AQR: variants seen among roughly 807,000 people sequenced by gnomAD.
AQR encodes the protein RNA helicase aquarius.
AQR carries 61 observed loss-of-function variants against 180.5 expected under a neutral mutation model. That is an observed-to-expected ratio of 0.34 (90% CI 0.28 to 0.42). AQR has a LOEUF of 0.42. AQR is among the 10% of genes least tolerant of loss of function. AQR has a pLI of 1.00. For synonymous variants in AQR, 551 were observed against 588.8 expected (o/e 0.94, Z 0.93); for missense variants, 1,281 against 1,798.3 (o/e 0.71, Z 5.20).
At chr15:34,948,065 T>C (rs571807605) in intron 5 of AQR, 199 bp downstream of exon 5, 7 of 499,908 alleles carry the variant, frequency 1.4e-5, no homozygotes, top group South Asian at 1.2e-4. Context: ...CAATTCATAG[T>C]AAATTATTAA....
intron 4 of AQR, among the ~76,000 whole-genome samples, chr15:34,949,799 A>AT (rs1472097050): frequency 7.0e-6 from 1 of 142,018 alleles, no homozygotes; most frequent in Non-Finnish European, 1.5e-5. Context: ...TCTATTAAAA[A>AT]AAAAAAAAAA....
chr15:34,963,592 T>A (rs1166587345), intron 2 of AQR, among the ~76,000 whole-genome samples: 1 of 152,112 alleles, frequency 6.6e-6, no homozygotes, highest in African/African-American at 2.4e-5. Context: ...TCATTTATAA[T>A]AATGATAAAT....
chr15:34,941,774 C>G (rs550863392), intron 7 of AQR, among the ~76,000 whole-genome samples: 1 of 152,292 alleles, frequency 6.6e-6, no homozygotes, highest in South Asian at 2.1e-4. Context: ...CCCCCTTTCT[C>G]TATAAGCTCA....
chr15:34,901,848 T>A (rs1390325085), intron 19 of AQR, among the ~76,000 whole-genome samples: 1 of 152,168 alleles, frequency 6.6e-6, no homozygotes, highest in Non-Finnish European at 1.5e-5. Flanking sequence ...TAGAACAGTT[T>A]AAATATGGAA....
chr15:34,951,107 T>C lies in AQR; in HGVS notation c.209+1778A>G, dbSNP rs141639732. The stretch of plus-strand genomic sequence containing the variant: ...TAACTTCCTGATCCTATTTCAGCAA[T>C]TGCAGCAAATTCTATACAATACTGA... On this transcript the variant is annotated intron_variant, in intron 4 of 34. Coordinates refer to ENST00000156471, the MANE Select transcript of AQR (RefSeq NM_014691.3). 1.8e-4 allele frequency among the ~76,000 whole-genome samples: 28 copies of C among 152,348 alleles called. No individual in the cohort carries two copies. The East Asian group carries it at 2.7e-3, about 15-fold the overall frequency.
chr15:34,904,316 G>T lies in AQR; in HGVS notation c.2001+20C>A, dbSNP rs1425091531. Reference sequence around the variant, plus strand: ...CTTAAATTATGACATAGTACTTTTAGTTACATACCCCCAAATTACCTTAAA... The same window carrying T: ...CTTAAATTATGACATAGTACTTTTATTTACATACCCCCAAATTACCTTAAA... On this transcript the variant is annotated intron_variant, in intron 19 of 34. Coordinates refer to ENST00000156471, the MANE Select transcript of AQR (RefSeq NM_014691.3). The T allele has an allele frequency of 2.6e-6, 4 of 1,531,348 alleles. No homozygotes were observed. Among genetic ancestry groups the T allele is most frequent in the East Asian group, 4.7e-5 (2 of 42,680 alleles). The allele number at this position is 1,531,348 out of a possible 1,614,324, so 94.9% of individuals were successfully genotyped here. A position where few individuals can be genotyped will look rare whatever the true frequency, so the allele number is the denominator to read the frequency against.
chr15:34,964,203 C>A, intron 2 of AQR, 31 bp downstream of exon 2: 1 of 1,498,508 alleles, frequency 6.7e-7, no homozygotes, highest in South Asian at 1.2e-5. Flanking sequence ...TGTAACTTCT[C>A]AAGAATTATG....
chr15:34,906,497 A>G (rs777239981), intron 18 of AQR, 48 bp downstream of exon 18: 52 of 1,566,368 alleles, frequency 3.3e-5, no homozygotes, highest in Non-Finnish European at 4.3e-5. Context: ...AGGCAAAGAA[A>G]TTTATCATTC....
chr15:34,923,259 T>C (rs890635563), intron 13 of AQR, among the ~76,000 whole-genome samples: 12 of 152,214 alleles, frequency 7.9e-5, no homozygotes, highest in African/African-American at 2.9e-4. Flanking sequence ...ATCTACAGTT[T>C]CAGGCATCCA....
intron 31 of AQR, 35 bp from the exon 32 acceptor site, chr15:34,867,644 C>T (rs1892755308): frequency 7.0e-7 from 1 of 1,437,420 alleles, no homozygotes; most frequent in South Asian, 1.2e-5. Context: ...GGTGCATTTG[C>T]AAAAGCCAAA....
Position 34,853,718 on chromosome 15 carries a change from T to C in AQR, c.*3074A>G, listed in dbSNP as rs1892547018. On this transcript the variant is annotated 3_prime_UTR_variant, in exon 35 of 35. Coordinates refer to ENST00000156471, the MANE Select transcript of AQR (RefSeq NM_014691.3). The stretch of plus-strand genomic sequence containing the variant: ...AACAGAGACAGAAACTGGTATTTAC[T>C]AAGTACCTAGGTGATAAATTATTTT... 6.6e-6 allele frequency: 1 copy of C among 152,190 alleles called. No homozygotes were observed. Among genetic ancestry groups the C allele is most frequent in the African/African-American group, 2.4e-5 (1 of 41,448 alleles). 9.4% of individuals were successfully genotyped at this position (152,190 alleles called of 1,614,324 possible). A position where few individuals can be genotyped will look rare whatever the true frequency, so the allele number is the denominator to read the frequency against.
At chr15:34,915,474 G>A (rs550772569) in intron 15 of AQR, among the ~76,000 whole-genome samples, 24 of 151,880 alleles carry the variant, frequency 1.6e-4, no homozygotes, top group African/African-American at 5.8e-4. Flanking sequence ...ACAGGCGTGA[G>A]CCACCGCACC....
intron 3 of AQR, among the ~76,000 whole-genome samples, chr15:34,958,974 TATATAGATATAG>T (rs11270252): frequency 0.16 from 23,448 of 149,308 alleles, 2,165 homozygotes; most frequent in African/African-American, 0.25. Context: ...TACATATAGA[TATATAGATATAG>T]ATATAGATAT....
rs745671670 is a variant in AQR at position 34,927,125 on chromosome 15, G to A, written c.1028C>T (p.Ala343Val). The A allele has an allele frequency of 1.3e-6, 2 of 1,573,738 alleles. No individual in the cohort carries two copies. The highest frequency in any genetic ancestry group is 1.7e-6 in the Non-Finnish European group (2 of 1,159,320). The change falls in exon 13 of 35, where the codon GCA (alanine) becomes GTA (valine). Residue 343 changes from alanine (A) to valine (V), a missense_variant. Physicochemically the swap from Ala to Val is moderately conservative, Grantham distance 64. Coordinates refer to ENST00000156471, the MANE Select transcript of AQR (RefSeq NM_014691.3). ...RITSLQRAAF[A>V]HFPELYDFAL... Reference sequence around the variant, plus strand: ...AAAATCATAGAGTTCAGGAAAATGTGCAAAAGCAGCTCTCTAGAAAATAAT... The same window carrying A: ...AAAATCATAGAGTTCAGGAAAATGTACAAAAGCAGCTCTCTAGAAAATAAT...
chr15:34,949,647 G>A (rs1275560784), intron 4 of AQR, among the ~76,000 whole-genome samples: 1 of 145,092 alleles, frequency 6.9e-6, no homozygotes, highest in Non-Finnish European at 1.5e-5. Context: ...AAAAATACCT[G>A]ACAAACATCA....
chr15:34,880,492 A>T (rs1275236402), intron 27 of AQR, among the ~76,000 whole-genome samples: 1 of 152,226 alleles, frequency 6.6e-6, no homozygotes, highest in African/African-American at 2.4e-5. Context: ...AACTAAACAC[A>T]GTTTTGGGTT....
rs1158372660 is a variant in AQR, at chr15:34,959,020, T to C, written c.173+1754A>G. On this transcript the variant is annotated intron_variant, in intron 3 of 34. Coordinates refer to ENST00000156471, the MANE Select transcript of AQR (RefSeq NM_014691.3). ...ATAGATATAGATATAGATATAGATA[T>C]AGATATATAGATATCTGTCTGTCCG... 2.0e-5 allele frequency among the ~76,000 whole-genome samples: 3 copies of C among 151,446 alleles called. No homozygotes were observed. In the East Asian group the frequency reaches 5.8e-4, roughly 29 times the overall value.
chr15:34,892,135 A>C (rs1367322425), intron 23 of AQR, among the ~76,000 whole-genome samples: 1 of 152,186 alleles, frequency 6.6e-6, no homozygotes, highest in Non-Finnish European at 1.5e-5. Context: ...TTTGACTACC[A>C]TGCAAATTTC....
At chr15:34,953,234 T>A (rs1894259684) in intron 3 of AQR, among the ~76,000 whole-genome samples, 1 of 152,250 alleles carries the variant, frequency 6.6e-6, no homozygotes, top group Admixed American at 6.5e-5. Flanking sequence ...CTTAAAATAC[T>A]AAAATATTGT....
Sources: gnomAD v4.1 joint callset for allele counts (sites outside exome capture counted in the v4.1 genomes callset) on GRCh38, gnomAD v4.1.1 for gene constraint, MANE v1.5 for transcripts, NCBI Gene and HGNC (gene_info 2026-07-23, HGNC 2026-07-21) for gene names.